Variants in PRKAR1B observed in about 807,000 individuals in gnomAD.
PRKAR1B encodes cAMP-dependent protein kinase type I-beta regulatory subunit.
PRKAR1B carries 22 observed loss-of-function variants against 46.5 expected under a neutral mutation model. The ratio of observed to expected loss-of-function variants is 0.47; its 90% CI spans 0.34 to 0.68. PRKAR1B has a LOEUF of 0.68. Ranked by LOEUF, PRKAR1B falls within the 30% of genes least tolerant of loss-of-function variation. The probability of loss-of-function intolerance (pLI) is 0.01; values close to 1 mark genes in which losing one functional copy is unlikely to be tolerated. For synonymous variants in PRKAR1B, 259 were observed against 217.7 expected (o/e 1.19, Z -1.67); for missense variants, 445 against 535.6 (o/e 0.83, Z 1.67).
intron 2 of PRKAR1B, among the ~76,000 whole-genome samples, chr7:698,711 C>A (rs1779904730): frequency 6.6e-6 from 1 of 151,976 alleles, no homozygotes; most frequent in Admixed American, 6.6e-5. Context: ...CACAGCTATG[C>A]ATCTGGGTAA....
At chr7:727,843 C>T (rs974692117), upstream of PRKAR1B, among the ~76,000 whole-genome samples, 38 of 150,392 alleles carry the variant, frequency 2.5e-4, no homozygotes, top group African/African-American at 9.3e-4. Context: ...CACCCGGGCC[C>T]ACGAGCCAGC....
chr7:654,086 C>G (rs1053087055), intron 4 of PRKAR1B, among the ~76,000 whole-genome samples: 1 of 151,882 alleles, frequency 6.6e-6, no homozygotes, highest in Admixed American at 6.6e-5. Flanking sequence ...TCACCATCTT[C>G]ATCACGATCC....
intron 7 of PRKAR1B, among the ~76,000 whole-genome samples, chr7:585,050 A>G (rs948020021): frequency 1.3e-5 from 2 of 152,228 alleles, no homozygotes; most frequent in Non-Finnish European, 2.9e-5. Flanking sequence ...ACCCATTAAA[A>G]GCCGATACTT....
chr7:617,398 G>A (rs1782889669), intron 4 of PRKAR1B, among the ~76,000 whole-genome samples: 1 of 150,688 alleles, frequency 6.6e-6, no homozygotes, highest in Non-Finnish European at 1.5e-5. Flanking sequence ...TTGACCTTCT[G>A]AGCTCAAGCG....
intron 2 of PRKAR1B, among the ~76,000 whole-genome samples, chr7:703,605 G>A (rs1261105388): frequency 2.7e-5 from 4 of 150,038 alleles, no homozygotes; most frequent in East Asian, 1.9e-4. Flanking sequence ...GGAGTGAGCC[G>A]AGATCACGTC....
chr7:611,769 A>ATGGATGGATGGATGG (rs1782506554), intron 4 of PRKAR1B, among the ~76,000 whole-genome samples: 1 of 149,954 alleles, frequency 6.7e-6, no homozygotes, highest in African/African-American at 2.5e-5. Context: ...TAGACGAATG[A>ATGGATGGATGGATGG]ATGGATGGAT....
At chr7:643,315 C>T (rs1042388853) in intron 4 of PRKAR1B, among the ~76,000 whole-genome samples, 1 of 151,516 alleles carries the variant, frequency 6.6e-6, no homozygotes, top group Non-Finnish European at 1.5e-5. Flanking sequence ...AAACCATGAG[C>T]TTAGGCAGCG....
chr7:633,049 G>A (rs1304465077), intron 4 of PRKAR1B, among the ~76,000 whole-genome samples: 3 of 152,242 alleles, frequency 2.0e-5, no homozygotes, highest in South Asian at 2.1e-4. Flanking sequence ...ATGTCGTGCC[G>A]ACGCCATGCG....
intron 2 of PRKAR1B, among the ~76,000 whole-genome samples, chr7:695,588 T>C (rs574183982): frequency 6.6e-6 from 1 of 152,036 alleles, no homozygotes; most frequent in Non-Finnish European, 1.5e-5. Flanking sequence ...CACTGGAGTC[T>C]GCAAGCTACA....
chr7:573,841 G>A (rs1054589850), intron 9 of PRKAR1B, among the ~76,000 whole-genome samples: 5 of 152,290 alleles, frequency 3.3e-5, no homozygotes, highest in Non-Finnish European at 7.4e-5. Context: ...GGGAGGCAGC[G>A]TCTGCCCCTC....
chr7:614,655 T>C (rs1782704240), intron 4 of PRKAR1B, among the ~76,000 whole-genome samples: 1 of 152,206 alleles, frequency 6.6e-6, no homozygotes, highest in South Asian at 2.1e-4. Context: ...TCACGGCCTA[T>C]AATCCCAGCA....
chr7:550,353 C>A lies in PRKAR1B; in HGVS notation c.*77G>T. ...ACCCGGCCCACACCTCACACAGCGG[C>A]TCCCGGGCCCCCGACACAGACGAGC... is the stretch of plus-strand genomic sequence containing the variant. On this transcript the variant is annotated 3_prime_UTR_variant, in exon 11 of 11. Transcript: ENST00000537384. 1.4e-6 allele frequency: 2 copies of A among 1,409,368 alleles called. No individual in the cohort carries two copies. The highest frequency in any genetic ancestry group is 1.3e-5 in the South Asian group (1 of 78,716). The allele number at this position is 1,409,368 out of a possible 1,614,324, so 87.3% of individuals were successfully genotyped here. A position where few individuals can be genotyped will look rare whatever the true frequency, so the allele number is the denominator to read the frequency against.
At chr7:673,447 A>G (rs1583398368) in intron 4 of PRKAR1B, among the ~76,000 whole-genome samples, 1 of 152,146 alleles carries the variant, frequency 6.6e-6, no homozygotes, top group East Asian at 1.9e-4. Flanking sequence ...CAGGAGATCG[A>G]GACCATCCTG....
intron 2 of PRKAR1B, among the ~76,000 whole-genome samples, chr7:682,331 G>GGGTGTGGTGGTTTCTGGCCA (rs1778733185): frequency 6.6e-6 from 1 of 152,168 alleles, no homozygotes; most frequent in Non-Finnish European, 1.5e-5. Flanking sequence ...GCTTCAGGCT[G>GGGTGTGGTGGTTTCTGGCCA]GGTGTGGTGG....
intron 7 of PRKAR1B, among the ~76,000 whole-genome samples, chr7:595,443 T>C (rs1460758139): frequency 6.6e-6 from 1 of 152,184 alleles, no homozygotes; most frequent in African/African-American, 2.4e-5. Context: ...AGACTCCAGC[T>C]GCCCTGCCTG....
intron 7 of PRKAR1B, among the ~76,000 whole-genome samples, chr7:594,096 T>C (rs2128455450): frequency 6.6e-6 from 1 of 152,132 alleles, no homozygotes; most frequent in East Asian, 1.9e-4. Context: ...CTCACGGGGC[T>C]CCATCCTAAA....
At chr7:571,749 G>A (rs907809058) in intron 9 of PRKAR1B, among the ~76,000 whole-genome samples, 6 of 152,160 alleles carry the variant, frequency 3.9e-5, no homozygotes, top group Admixed American at 2.6e-4. Flanking sequence ...GGCCCCAGAT[G>A]GAGGAATGTG....
chr7:555,223 G>A (rs1330413715), intron 9 of PRKAR1B, among the ~76,000 whole-genome samples: 3 of 152,342 alleles, frequency 2.0e-5, no homozygotes, highest in East Asian at 3.9e-4. Context: ...TCTGGGGAGG[G>A]GCTGAGGATT....
At chr7:620,613 T>A (rs963304429) in intron 4 of PRKAR1B, among the ~76,000 whole-genome samples, 2 of 152,246 alleles carry the variant, frequency 1.3e-5, no homozygotes, top group African/African-American at 4.8e-5. Context: ...GTATATTTAT[T>A]TATGGATTCC....
Sources: allele counts gnomAD v4.1 joint callset (sites outside exome capture counted in the v4.1 genomes callset), GRCh38; gene constraint gnomAD v4.1.1; transcripts MANE v1.5; gene names NCBI Gene and HGNC (gene_info 2026-07-23, HGNC 2026-07-21).